The following EXOC6B variants were observed in gnomAD, a reference collection of about 807,000 sequenced individuals.
The protein encoded by EXOC6B is SEC15 homolog B.
EXOC6B carries 54 observed loss-of-function variants against 113.5 expected under a neutral mutation model. That is an observed-to-expected ratio of 0.48 (90% confidence interval 0.38 to 0.60). The LOEUF is 0.60. Ranked by LOEUF, EXOC6B falls within the 20% of genes least tolerant of loss-of-function variation. The pLI, the probability that EXOC6B is intolerant of heterozygous loss-of-function variation, is 0.00. For missense variants in EXOC6B, 797 were observed against 977.5 expected (o/e 0.82, Z 2.46); for synonymous variants, 357 against 339.0 (o/e 1.05, Z -0.58).
At chr2:72,491,092 T>G (rs585938) in intron 16 of EXOC6B, among the ~76,000 whole-genome samples, 19,702 of 152,206 alleles carry the variant, frequency 0.13, 1,477 homozygotes, top group African/African-American at 0.22. Flanking sequence ...CTTCCTTTTC[T>G]GTAACCTTCT....
intron 20 of EXOC6B, among the ~76,000 whole-genome samples, chr2:72,231,559 T>G (rs1018052316): frequency 1.1e-4 from 16 of 152,086 alleles, no homozygotes; most frequent in Non-Finnish European, 2.1e-4. Context: ...GCAAATAAAC[T>G]GGGAAAATGT....
chr2:72,707,066 T>C (rs1298830558), intron 6 of EXOC6B, among the ~76,000 whole-genome samples: 6 of 152,152 alleles, frequency 3.9e-5, no homozygotes, highest in Non-Finnish European at 5.9e-5. Flanking sequence ...GTCTCAGCCT[T>C]AAAATCATCC....
chr2:72,708,453 C>T (rs558246851), intron 6 of EXOC6B, among the ~76,000 whole-genome samples: 68 of 152,230 alleles, frequency 4.5e-4, no homozygotes, highest in Non-Finnish European at 5.9e-4. Flanking sequence ...GTGCAATCAC[C>T]ACCCTAATCA....
intron 20 of EXOC6B, among the ~76,000 whole-genome samples, chr2:72,188,980 G>C (rs1678630287): frequency 6.6e-6 from 1 of 152,106 alleles, no homozygotes; most frequent in Non-Finnish European, 1.5e-5. Context: ...AAAGTAAACT[G>C]AGACTTTATT....
intron 18 of EXOC6B, among the ~76,000 whole-genome samples, chr2:72,400,992 T>C (rs1467710380): frequency 1.3e-5 from 2 of 151,982 alleles, no homozygotes; most frequent in African/African-American, 4.8e-5. Context: ...CCTACGTTCA[T>C]ATATTTATCA....
chr2:72,526,751 T>C (rs1701762060), intron 8 of EXOC6B, among the ~76,000 whole-genome samples: 2 of 151,994 alleles, frequency 1.3e-5, no homozygotes, highest in Non-Finnish European at 2.9e-5. Context: ...ATTAGATCTA[T>C]ATCTGGTAAA....
intron 5 of EXOC6B, among the ~76,000 whole-genome samples, chr2:72,722,228 C>T (rs1245232399): frequency 6.6e-6 from 1 of 151,940 alleles, no homozygotes; most frequent in Non-Finnish European, 1.5e-5. Context: ...CTTTGGATGG[C>T]AATATTACAA....
chr2:72,307,870 T>C (rs1383515606), intron 20 of EXOC6B, among the ~76,000 whole-genome samples: 1 of 152,202 alleles, frequency 6.6e-6, no homozygotes, highest in Non-Finnish European at 1.5e-5. Context: ...TAAAGGTTAA[T>C]GGATTCCTCT....
At chr2:72,721,403 T>TAAAAA (rs1679999812) in intron 5 of EXOC6B, among the ~76,000 whole-genome samples, 1 of 73,288 alleles carries the variant, frequency 1.4e-5, no homozygotes, top group Non-Finnish European at 2.9e-5. Context: ...CAAAGAAAAT[T>TAAAAA]CACAAAAGAA....
chr2:72,186,512 T>C (rs1384710925), intron 20 of EXOC6B, among the ~76,000 whole-genome samples: 1 of 148,838 alleles, frequency 6.7e-6, no homozygotes, highest in Non-Finnish European at 1.5e-5. Context: ...GGATAGCGTT[T>C]TTTCAATTAA....
At chr2:72,639,795 G>A (rs967386761) in intron 6 of EXOC6B, among the ~76,000 whole-genome samples, 6 of 152,116 alleles carry the variant, frequency 3.9e-5, no homozygotes, top group South Asian at 2.1e-4. Flanking sequence ...AAAGCCAGTC[G>A]GCTGAATCCA....
At chr2:72,344,973 C>T (rs1399743400) in intron 19 of EXOC6B, among the ~76,000 whole-genome samples, 1 of 151,944 alleles carries the variant, frequency 6.6e-6, no homozygotes, top group Non-Finnish European at 1.5e-5. Flanking sequence ...ATTCAACAAT[C>T]AGAAGACAAT....
At chr2:72,673,560 T>G (rs1023175877) in intron 6 of EXOC6B, among the ~76,000 whole-genome samples, 1 of 152,126 alleles carries the variant, frequency 6.6e-6, no homozygotes, top group African/African-American at 2.4e-5. Flanking sequence ...TTGTCACCCT[T>G]CATTGTTAAA....
intron 18 of EXOC6B, among the ~76,000 whole-genome samples, chr2:72,436,542 TC>T (rs1695883379): frequency 1.3e-5 from 2 of 152,170 alleles, no homozygotes; most frequent in South Asian, 4.2e-4. Flanking sequence ...CATCAATCAA[TC>T]ATAGATTTGG....
Position 72,644,348 on chromosome 2 carries a change from ATGGAACCAAGT to A in EXOC6B, c.670-68691_670-68681del, listed in dbSNP as rs761627976. Among the ~76,000 whole-genome samples the A allele has an allele frequency of 2.6e-5, 4 of 152,218 alleles. No homozygotes were observed. In the East Asian group the frequency reaches 5.8e-4, roughly 22 times the overall value. ...GGTGTACCTGAAAATGATGGGAAGA[ATGGAACCAAGT>A]TGGAAAACACTCTGCAGGATATTAT... On this transcript the variant is annotated intron_variant, in intron 6 of 21. Coordinates refer to ENST00000272427, the MANE Select transcript of EXOC6B (RefSeq NM_015189.3).
At chr2:72,285,362 G>C (rs1458688736) in intron 20 of EXOC6B, among the ~76,000 whole-genome samples, 1 of 151,982 alleles carries the variant, frequency 6.6e-6, no homozygotes, top group East Asian at 1.9e-4. Context: ...GACCTCTGAT[G>C]AGCAAAGGCA....
intron 11 of EXOC6B, among the ~76,000 whole-genome samples, chr2:72,504,913 CTGTT>C (rs777655636): frequency 4.6e-5 from 7 of 152,104 alleles, no homozygotes; most frequent in Non-Finnish European, 1.0e-4. Flanking sequence ...CTTTGGTAAA[CTGTT>C]TGTCTTTTGC....
At chr2:72,362,721 G>A (rs941357226) in intron 19 of EXOC6B, among the ~76,000 whole-genome samples, 1 of 152,022 alleles carries the variant, frequency 6.6e-6, no homozygotes, top group Non-Finnish European at 1.5e-5. Flanking sequence ...AGTCTCTGAG[G>A]CTCCTGCAAA....
At chr2:72,458,213 G>A (rs1161017077) in intron 18 of EXOC6B, among the ~76,000 whole-genome samples, 1 of 152,234 alleles carries the variant, frequency 6.6e-6, no homozygotes, top group East Asian at 1.9e-4. Context: ...GTAAGTAAAA[G>A]ACAAATGATT....
Sources: gnomAD v4.1 joint callset for allele counts (sites outside exome capture counted in the v4.1 genomes callset) on GRCh38, gnomAD v4.1.1 for gene constraint, MANE v1.5 for transcripts, NCBI Gene and HGNC (gene_info 2026-07-23, HGNC 2026-07-21) for gene names.